The following VGLL4 variants were observed in gnomAD, a reference collection of about 807,000 sequenced individuals.
The protein encoded by VGLL4 is vestigial like family member 4.
Under a neutral mutation model 21.0 loss-of-function variants are expected in VGLL4, and 7 were observed. The observed-to-expected ratio is 0.33, with a 90% CI of 0.19 to 0.63. The LOEUF (loss-of-function observed/expected upper bound fraction) is 0.63. VGLL4 is among the 20% of genes least tolerant of loss of function. The probability of loss-of-function intolerance (pLI) is 0.78; values close to 1 mark genes in which losing one functional copy is unlikely to be tolerated. For missense variants in VGLL4, 394 were observed against 425.7 expected, an observed-to-expected ratio of 0.93 and a Z score of 0.66; for synonymous variants, 222 against 173.2, an observed-to-expected ratio of 1.28 and a Z score of -2.21.
chr3:11,563,590 G>A (rs974533571), intron 3 of VGLL4, among the ~76,000 whole-genome samples: 5 of 152,214 alleles, frequency 3.3e-5, no homozygotes, highest in African/African-American at 1.2e-4. Context: ...CTGGGTAAAT[G>A]GTGAGCGCTC....
chr3:11,576,864 G>C (rs2074066012), intron 2 of VGLL4, among the ~76,000 whole-genome samples: 3 of 152,236 alleles, frequency 2.0e-5, no homozygotes, highest in Admixed American at 2.0e-4. Context: ...CTCAAGACTA[G>C]GAGAGAAGAC....
chr3:11,592,542 C>G (rs2074525374), intron 2 of VGLL4, among the ~76,000 whole-genome samples: 1 of 152,194 alleles, frequency 6.6e-6, no homozygotes, highest in Non-Finnish European at 1.5e-5. Context: ...TGAACAGTCC[C>G]CACCTCCCAA....
At chr3:11,639,377 C>T (rs1482339355) in intron 1 of VGLL4, among the ~76,000 whole-genome samples, 1 of 152,252 alleles carries the variant, frequency 6.6e-6, no homozygotes, top group Admixed American at 6.5e-5. Context: ...TCCAGCGAGG[C>T]CGGTCACTCA....
intron 3 of VGLL4, among the ~76,000 whole-genome samples, chr3:11,563,468 C>T (rs190993023): frequency 6.6e-6 from 1 of 152,360 alleles, no homozygotes; most frequent in African/African-American, 2.4e-5. Flanking sequence ...TGCCCAACAG[C>T]ACAATCCTCT....
chr3:11,587,953 C>T (rs190863475), intron 2 of VGLL4, among the ~76,000 whole-genome samples: 10 of 152,284 alleles, frequency 6.6e-5, no homozygotes, highest in African/African-American at 2.2e-4. Context: ...CGCATGTGTG[C>T]GTTTTCGTTT....
intron 2 of VGLL4, among the ~76,000 whole-genome samples, chr3:11,578,951 T>C (rs2074144115): frequency 6.6e-6 from 1 of 151,986 alleles, no homozygotes; most frequent in South Asian, 2.1e-4. Context: ...GGTTTCATCG[T>C]GTTAGCCAGG....
At chr3:11,573,300 A>AAGGAAGG (rs1559869937) in intron 2 of VGLL4, among the ~76,000 whole-genome samples, 2 of 9,546 alleles carry the variant, frequency 2.1e-4, no homozygotes, top group Admixed American at 2.6e-3. Context: ...AGAAAGAAAG[A>AAGGAAGG]AAGAAAGGAA....
At position 11,665,101 on chromosome 3, in the gene VGLL4, C is replaced by CTTTTTTTTTTTTTT. The variant is rs59999510; in HGVS notation, c.64+37856_64+37869dup. Among the ~76,000 whole-genome samples the CTTTTTTTTTTTTTT allele has an allele frequency of 2.6e-4, 25 of 96,974 alleles. 5 individuals are homozygous for CTTTTTTTTTTTTTT. Among genetic ancestry groups the CTTTTTTTTTTTTTT allele is most frequent in the African/African-American group, 1.1e-3 (23 of 20,514 alleles). 63.6% of individuals were successfully genotyped at this position (96,974 alleles called of 152,430 possible). On this transcript the variant is annotated intron_variant, in intron 2 of 5. Coordinates refer to the VGLL4 transcript ENST00000273038. ...AAATGAAAGCAATTTGAATATTTTT[C>CTTTTTTTTTTTTTT]TTTTTTTTTTTTTTTTTTTTTTTTT...
chr3:11,707,327 CAAAAAA>C (rs34222383), intron 1 of VGLL4, among the ~76,000 whole-genome samples: 3 of 43,028 alleles, frequency 7.0e-5, no homozygotes, highest in East Asian at 7.6e-4. Context: ...GACCCTGCCT[CAAAAAA>C]AAAAAAAAAA....
At chr3:11,670,410 G>A (rs1479472831) in intron 2 of VGLL4, among the ~76,000 whole-genome samples, 2 of 152,112 alleles carry the variant, frequency 1.3e-5, no homozygotes, top group African/African-American at 2.4e-5. Context: ...TAGCACTTTC[G>A]AATGTTTTCG....
At chr3:11,634,497 C>T (rs2075548019) in intron 1 of VGLL4, among the ~76,000 whole-genome samples, 1 of 152,142 alleles carries the variant, frequency 6.6e-6, no homozygotes, top group Non-Finnish European at 1.5e-5. Flanking sequence ...ACTATTTCAT[C>T]TCTTATTCCC....
At chr3:11,593,762 T>C (rs978713788) in intron 2 of VGLL4, among the ~76,000 whole-genome samples, 4 of 152,152 alleles carry the variant, frequency 2.6e-5, no homozygotes, top group Non-Finnish European at 4.4e-5. Context: ...GGAAGCGTCA[T>C]AGAAGCAAAG....
chr3:11,643,276 C>G (rs1264827235), intron 1 of VGLL4, among the ~76,000 whole-genome samples, 161 bp downstream of exon 1: 1 of 152,150 alleles, frequency 6.6e-6, no homozygotes, highest in African/African-American at 2.4e-5. Context: ...GCCTGAGATC[C>G]GAACACACTC....
In VGLL4 at chr3:11,639,137, G is replaced by A. The variant is rs561573114; in HGVS notation, c.82+4300C>T. Among the ~76,000 whole-genome samples the A allele has an allele frequency of 8.5e-5, 13 of 152,184 alleles. No individual in the cohort carries two copies. In the South Asian group the frequency reaches 1.9e-3, roughly 22 times the overall value. Reference sequence around the variant, plus strand: ...GCTCTTAACCCATAATTAAAGTATCGCTACCAGCAGTGTAAAGCCCCAGCC... The same window carrying A: ...GCTCTTAACCCATAATTAAAGTATCACTACCAGCAGTGTAAAGCCCCAGCC... On this transcript the variant is annotated intron_variant, in intron 1 of 4. Transcript: ENST00000430365.
intron 2 of VGLL4, among the ~76,000 whole-genome samples, chr3:11,681,596 A>G (rs1285467898): frequency 6.6e-6 from 1 of 152,260 alleles, no homozygotes; most frequent in African/African-American, 2.4e-5. Flanking sequence ...TCTCAGAAGA[A>G]AAAACATGAA....
chr3:11,630,549 G>A (rs943867751), intron 1 of VGLL4, among the ~76,000 whole-genome samples: 2 of 152,164 alleles, frequency 1.3e-5, no homozygotes, highest in Non-Finnish European at 2.9e-5. Flanking sequence ...GGGAGGGTGA[G>A]AGAGGAGAAT....
chr3:11,674,606 A>T lies in VGLL4; in HGVS notation c.64+28365T>A, dbSNP rs376225120. Among the ~76,000 whole-genome samples, 16 of 152,138 alleles carry T rather than the reference A, an allele frequency of 1.1e-4. No individual in the cohort carries two copies. The South Asian group carries it at 2.9e-3, about 28-fold the overall frequency. ...AAACCCAGGCCTGCCACCCTTTTAC[A>T]CCTACACACGTGTCCACTGCAGGAT... On this transcript the variant is annotated intron_variant, in intron 2 of 5. Transcript: ENST00000273038.
intron 2 of VGLL4, among the ~76,000 whole-genome samples, chr3:11,575,085 C>T (rs974692108): frequency 6.6e-6 from 1 of 152,134 alleles, no homozygotes; most frequent in Non-Finnish European, 1.5e-5. Context: ...CACTTTACAC[C>T]GAGGAAAAGT....
chr3:11,637,935 C>A (rs531069430), intron 1 of VGLL4, among the ~76,000 whole-genome samples: 1 of 152,148 alleles, frequency 6.6e-6, no homozygotes, highest in African/African-American at 2.4e-5. Context: ...CTTCAATGTG[C>A]AATAATAAAT....
Sources: gnomAD v4.1 joint callset for allele counts (sites outside exome capture counted in the v4.1 genomes callset) on GRCh38, gnomAD v4.1.1 for gene constraint, MANE v1.5 for transcripts, NCBI Gene and HGNC (gene_info 2026-07-23, HGNC 2026-07-21) for gene names.